The following FAM168A variants were observed in gnomAD, a reference collection of about 807,000 sequenced individuals.
The protein encoded by FAM168A is family with sequence similarity 168 member A.
Under a neutral mutation model 28.5 loss-of-function variants are expected in FAM168A, and 3 were observed. That is an observed-to-expected ratio of 0.11 (90% CI 0.05 to 0.27). FAM168A has a LOEUF of 0.27. Among genes scored for constraint, FAM168A ranks in the 10% least tolerant of loss-of-function variants. The pLI is 1.00. For missense variants in FAM168A, 222 were observed against 311.5 expected (o/e 0.71, Z 2.16); for synonymous variants, 122 against 124.2 (o/e 0.98, Z 0.12).
chr11:73,459,498 A>T (rs186293625), intron 2 of FAM168A, among the ~76,000 whole-genome samples: 1 of 151,824 alleles, frequency 6.6e-6, no homozygotes, highest in East Asian at 1.9e-4. Context: ...AAAAAGAAAA[A>T]AAAAAGGAAA....
At chr11:73,591,081 T>C (rs1263619423) in intron 1 of FAM168A, among the ~76,000 whole-genome samples, 1 of 152,012 alleles carries the variant, frequency 6.6e-6, no homozygotes, top group Admixed American at 6.6e-5. Context: ...GAGGAAGAGT[T>C]TGCAGTGAGC....
chr11:73,588,754 G>A (rs73550316), intron 1 of FAM168A, among the ~76,000 whole-genome samples: 11,813 of 152,146 alleles, frequency 0.078, 552 homozygotes, highest in Non-Finnish European at 0.11. Flanking sequence ...TTCATAAATT[G>A]AAGCCCTATT....
At position 73,553,832 on chromosome 11, in the gene FAM168A, A is replaced by T. The variant is rs1418481589; in HGVS notation, c.-19+44091T>A. ...CCCTACAAAAAATAAAAATAAAATTAAAAAAAATTAGCCAGGTGTGGTGCC... is the reference window on the plus strand; with the variant it reads ...CCCTACAAAAAATAAAAATAAAATTTAAAAAAATTAGCCAGGTGTGGTGCC... On this transcript the variant is annotated intron_variant, in intron 1 of 7. Transcript: ENST00000356467. 7.3e-5 allele frequency among the ~76,000 whole-genome samples: 11 copies of T among 151,132 alleles called. No homozygotes were observed. In the South Asian group the frequency reaches 1.0e-3, roughly 14 times the overall value.
chr11:73,510,378 T>C (rs1855197694), intron 1 of FAM168A, among the ~76,000 whole-genome samples: 1 of 152,208 alleles, frequency 6.6e-6, no homozygotes, highest in Non-Finnish European at 1.5e-5. Context: ...TAGGAGGTAG[T>C]AGAGCCTCGT....
chr11:73,538,297 A>C (rs1269751917), intron 1 of FAM168A, among the ~76,000 whole-genome samples: 1 of 152,042 alleles, frequency 6.6e-6, no homozygotes, highest in Non-Finnish European at 1.5e-5. Context: ...AATAAAGGAC[A>C]AATTAAAAAC....
chr11:73,479,703 G>A (rs1030403839), intron 1 of FAM168A, among the ~76,000 whole-genome samples: 1 of 152,036 alleles, frequency 6.6e-6, no homozygotes, highest in African/African-American at 2.4e-5. Context: ...TAATTTGCTT[G>A]CCCAATTATT....
chr11:73,514,738 T>C (rs901421188), intron 1 of FAM168A, among the ~76,000 whole-genome samples: 1 of 151,842 alleles, frequency 6.6e-6, no homozygotes, highest in Non-Finnish European at 1.5e-5. Context: ...AAGGGTGAGG[T>C]AGGAAGATCA....
intron 1 of FAM168A, among the ~76,000 whole-genome samples, chr11:73,548,116 T>C (rs1943782608): frequency 1.3e-5 from 2 of 152,166 alleles, no homozygotes; most frequent in Non-Finnish European, 2.9e-5. Context: ...TCAATGGGTA[T>C]AGAGTTTCAG....
intron 1 of FAM168A, among the ~76,000 whole-genome samples, chr11:73,528,431 C>T (rs1234198413): frequency 3.3e-5 from 5 of 152,128 alleles, no homozygotes; most frequent in African/African-American, 7.2e-5. Flanking sequence ...AGTATCAATT[C>T]GTGAAAAATA....
At chr11:73,443,652 A>G (rs1867245437) in intron 2 of FAM168A, among the ~76,000 whole-genome samples, 1 of 152,170 alleles carries the variant, frequency 6.6e-6, no homozygotes. Flanking sequence ...GACAACCTGT[A>G]GTGTTATGCA....
chr11:73,471,403 A>G (rs969575254), intron 1 of FAM168A, among the ~76,000 whole-genome samples: 1 of 152,246 alleles, frequency 6.6e-6, no homozygotes, highest in African/African-American at 2.4e-5. Context: ...TATAATTTCC[A>G]TATAGTAAAA....
intron 2 of FAM168A, among the ~76,000 whole-genome samples, chr11:73,432,513 T>C (rs964261010): frequency 2.0e-5 from 3 of 152,158 alleles, no homozygotes; most frequent in Admixed American, 1.3e-4. Context: ...GGTTTTGAAT[T>C]GCATTTCCCT....
chr11:73,536,207 A>AG (rs1490911616), intron 1 of FAM168A, among the ~76,000 whole-genome samples: 1 of 152,222 alleles, frequency 6.6e-6, no homozygotes. Flanking sequence ...CAGACAACCA[A>AG]GAATCACCAG....
chr11:73,459,879 A>ATTTTTTTTTTTTTTTTT, intron 2 of FAM168A, among the ~76,000 whole-genome samples: 1 of 108,456 alleles, frequency 9.2e-6, no homozygotes, highest in Non-Finnish European at 1.8e-5. Context: ...ATCCAAATGA[A>ATTTTTTTTTTTTTTTTT]TTTTTTTTTT....
rs1192484270 is a variant in FAM168A, at chr11:73,419,978, G to C, written c.173C>G (p.Ala58Gly). Residue 58 changes from alanine to glycine, a missense_variant, in exon 4 of 8, where the codon GCC becomes GGC. This residue lies in a region of FAM168A where 153 missense variants were observed against 189.2 expected (regional missense o/e 0.81). Transcript: ENST00000356467. ...ACAGGAAGACGAGTTCTGTGGCCAG[G>C]CCTGTTTCATCAGCAGAGTTGCTTA... Reference protein sequence around the residue: ...YAPATLLMKQAWPQNSSSCGT... With the variant: ...YAPATLLMKQGWPQNSSSCGT... The C allele has an allele frequency of 6.2e-7, 1 of 1,613,796 alleles. No individual in the cohort carries two copies. The highest frequency in any genetic ancestry group is 8.5e-7 in the Non-Finnish European group (1 of 1,179,810).
intron 2 of FAM168A, among the ~76,000 whole-genome samples, chr11:73,448,405 C>G (rs962848549): frequency 1.3e-5 from 2 of 152,198 alleles, no homozygotes; most frequent in African/African-American, 2.4e-5. Flanking sequence ...CCTCACAACC[C>G]TTTCATGAGG....
In FAM168A at chr11:73,591,848, AAAT is replaced by A. The variant is rs574920986; in HGVS notation, c.-19+6072_-19+6074del. Reference sequence around the variant, plus strand: ...CTTAATTTCTTCATCCTTAAAATGAAAATAATGCCACATGACCAACCTAAGAAC... The same window carrying A: ...CTTAATTTCTTCATCCTTAAAATGAAAATGCCACATGACCAACCTAAGAAC... On this transcript the variant is annotated intron_variant, in intron 1 of 7. Transcript: ENST00000356467. Among the ~76,000 whole-genome samples, 238 of 152,344 alleles carry A rather than the reference AAAT, an allele frequency of 1.6e-3. 1 individual carries two copies. Among genetic ancestry groups the A allele is most frequent in the African/African-American group, 5.3e-3 (219 of 41,586 alleles).
chr11:73,409,497 T>G lies in FAM168A; in HGVS notation c.585A>C (p.Ala195=). The G allele has an allele frequency of 2.5e-6, 4 of 1,613,772 alleles. No homozygotes were observed. The highest frequency in any genetic ancestry group is 3.4e-6 in the Non-Finnish European group (4 of 1,179,860). The change falls in exon 6 of 8, where the codon GCA becomes GCC. Residue 195 remains alanine, a synonymous_variant. Transcript: ENST00000356467. ...AGATGCTGCCCTCACCTGCTGACAT[T>G]GCCATGGTGGTGCCTGCCACCATGC... ...AMGMVAGTTM[A]MSAGTLLTTP...
At chr11:73,415,292 T>C (rs1223381432) in intron 4 of FAM168A, among the ~76,000 whole-genome samples, 1 of 152,214 alleles carries the variant, frequency 6.6e-6, no homozygotes, top group East Asian at 1.9e-4. Flanking sequence ...TCAGAGATCA[T>C]TAAGACCAAC....
Sources: gnomAD v4.1 joint callset for allele counts (sites outside exome capture counted in the v4.1 genomes callset) on GRCh38, gnomAD v4.1.1 for gene constraint, gnomAD v4.1.1 regional missense constraint, MANE v1.5 for transcripts, NCBI Gene and HGNC (gene_info 2026-07-23, HGNC 2026-07-21) for gene names.